MYO5B: variants seen among roughly 807,000 people sequenced by gnomAD.
The protein encoded by MYO5B is myosin VB.
Under a neutral mutation model 229.3 loss-of-function variants are expected in MYO5B, and 143 were observed. That is an observed-to-expected ratio of 0.62 (90% CI 0.54 to 0.72). The LOEUF is 0.72. Ranked by LOEUF, MYO5B falls within the 30% of genes least tolerant of loss-of-function variation. The pLI is 0.00. For missense variants in MYO5B, 2,321 were observed against 2,331.0 expected (o/e 1.00, Z 0.09); for synonymous variants, 918 against 885.2 (o/e 1.04, Z -0.66).
At chr18:49,974,792 CACACAG>C (rs979669888) in intron 9 of MYO5B, among the ~76,000 whole-genome samples, 177 bp from the exon 10 acceptor site, 3 of 145,632 alleles carry the variant, frequency 2.1e-5, no homozygotes, top group African/African-American at 5.4e-5. Context: ...CACACACACA[CACACAG>C]ACACACACAC....
At chr18:50,093,145 A>G (rs1408661374) in intron 1 of MYO5B, among the ~76,000 whole-genome samples, 1 of 152,122 alleles carries the variant, frequency 6.6e-6, no homozygotes, top group East Asian at 1.9e-4. Flanking sequence ...AATGACCATT[A>G]AATGGTGAAA....
chr18:49,852,197 T>C (rs1028810367), intron 31 of MYO5B, among the ~76,000 whole-genome samples: 1 of 152,268 alleles, frequency 6.6e-6, no homozygotes, highest in African/African-American at 2.4e-5. Flanking sequence ...TGCCGTGAGC[T>C]AACGCAGTAC....
At chr18:50,159,779 T>G (rs1368177738) in intron 1 of MYO5B, among the ~76,000 whole-genome samples, 1 of 152,172 alleles carries the variant, frequency 6.6e-6, no homozygotes, top group Non-Finnish European at 1.5e-5. Context: ...CACGTTCCAC[T>G]GTTTAGTCTC....
At chr18:50,067,478 T>C (rs1043049261) in intron 1 of MYO5B, among the ~76,000 whole-genome samples, 1 of 152,180 alleles carries the variant, frequency 6.6e-6, no homozygotes, top group Non-Finnish European at 1.5e-5. Flanking sequence ...GTTTGGATCT[T>C]TGTCCCCTCC....
At chr18:49,837,479 C>CACA (rs2024001532) in intron 37 of MYO5B, 38 bp downstream of exon 37, 1 of 1,611,884 alleles carries the variant, frequency 6.2e-7, no homozygotes, top group African/African-American at 1.3e-5. Flanking sequence ...AGTGAGGGCC[C>CACA]ACTCTATCTG....
chr18:50,068,605 C>T (rs901666338), intron 1 of MYO5B, among the ~76,000 whole-genome samples: 2 of 152,188 alleles, frequency 1.3e-5, no homozygotes, highest in African/African-American at 4.8e-5. Context: ...GTTCTGGACA[C>T]AGACCACGTC....
chr18:50,075,561 C>T (rs1233923653), intron 1 of MYO5B, among the ~76,000 whole-genome samples: 1 of 152,160 alleles, frequency 6.6e-6, no homozygotes, highest in Non-Finnish European at 1.5e-5. Flanking sequence ...CCTCTCAGCC[C>T]AAGGCCATGC....
intron 1 of MYO5B, among the ~76,000 whole-genome samples, chr18:50,132,057 G>A (rs984390896): frequency 3.9e-5 from 6 of 152,152 alleles, no homozygotes; most frequent in African/African-American, 1.4e-4. Flanking sequence ...TCCACAGTGG[G>A]CTTAGCAAAA....
chr18:49,953,892 ATATGTGTGTGTGTGTG>A (rs753250893), intron 13 of MYO5B, among the ~76,000 whole-genome samples: 13 of 127,556 alleles, frequency 1.0e-4, no homozygotes, highest in South Asian at 2.5e-4. Flanking sequence ...ATATATACAT[ATATGTGTGTGTGTGTG>A]TGTGTGTGTG....
chr18:49,992,310 T>C lies in MYO5B; in HGVS notation c.734A>G (p.Glu245Gly), dbSNP rs1598936688. 6.2e-7 allele frequency: 1 copy of C among 1,614,186 alleles called. No homozygotes were observed. The highest frequency in any genetic ancestry group is 2.2e-5 in the East Asian group (1 of 44,886). The change falls in exon 6 of 40, where the codon GAG (glutamate) becomes GGG (glycine). Residue 245 changes from glutamate (E) to glycine (G), a missense_variant. Transcript: ENST00000285039. ...IGANMRTYLL[E>G]KSRVVFQADD... ...CACCTGGAAGACCACTCTGGACTTC[T>C]CCAAGAGGTAAGTCCTCATGTTGGC...
intron 1 of MYO5B, among the ~76,000 whole-genome samples, chr18:50,075,413 G>A (rs1011353275): frequency 6.6e-6 from 1 of 152,082 alleles, no homozygotes; most frequent in Non-Finnish European, 1.5e-5. Flanking sequence ...ACCTATCATT[G>A]CCCTTCTTCA....
At chr18:50,022,597 T>C (rs2026288459) in intron 4 of MYO5B, among the ~76,000 whole-genome samples, 1 of 152,236 alleles carries the variant, frequency 6.6e-6, no homozygotes. Context: ...ATGATAATTG[T>C]CTTGAAATCC....
At chr18:50,137,036 A>C (rs1230861203) in intron 1 of MYO5B, among the ~76,000 whole-genome samples, 1 of 152,230 alleles carries the variant, frequency 6.6e-6, no homozygotes, top group Non-Finnish European at 1.5e-5. Context: ...GCTAGTGCTT[A>C]CTTTTATGTC....
At chr18:50,096,320 T>A (rs1431384987) in intron 1 of MYO5B, among the ~76,000 whole-genome samples, 7 of 152,160 alleles carry the variant, frequency 4.6e-5, no homozygotes, top group Admixed American at 3.3e-4. Context: ...CCTTTCAACA[T>A]CTGCTTCTCA....
chr18:49,894,829 A>G, intron 22 of MYO5B, 112 bp downstream of exon 22: 3 of 912,076 alleles, frequency 3.3e-6, no homozygotes, highest in South Asian at 2.7e-5. Flanking sequence ...TGTGCACATG[A>G]GCCCAAGACC....
chr18:50,175,681 A>G (rs1386538821), intron 1 of MYO5B, among the ~76,000 whole-genome samples: 2 of 152,266 alleles, frequency 1.3e-5, no homozygotes, highest in Non-Finnish European at 2.9e-5. Flanking sequence ...TCAGGTGGGC[A>G]AGAAGTTTTA....
chr18:50,040,686 C>G (rs774025201), intron 2 of MYO5B, among the ~76,000 whole-genome samples: 36 of 152,144 alleles, frequency 2.4e-4, no homozygotes, highest in Non-Finnish European at 4.1e-4. Flanking sequence ...TACACTCTCC[C>G]CCATTAACCA....
At chr18:50,005,894 C>G (rs1257205172) in intron 4 of MYO5B, among the ~76,000 whole-genome samples, 1 of 152,188 alleles carries the variant, frequency 6.6e-6, no homozygotes, top group African/African-American at 2.4e-5. Context: ...TGCCCTGACT[C>G]TCCACCCAGG....
At chr18:49,985,328 A>G (rs1476277934) in intron 7 of MYO5B, among the ~76,000 whole-genome samples, 1 of 152,182 alleles carries the variant, frequency 6.6e-6, no homozygotes, top group Admixed American at 6.5e-5. Context: ...CACATGCACA[A>G]ATGCAGGTTG....
Sources: gnomAD v4.1 joint callset for allele counts (sites outside exome capture counted in the v4.1 genomes callset) on GRCh38, gnomAD v4.1.1 for gene constraint, MANE v1.5 for transcripts, NCBI Gene and HGNC (gene_info 2026-07-23, HGNC 2026-07-21) for gene names.